Variants in CGN observed in about 807,000 individuals in gnomAD.
CGN encodes cingulin.
CGN carries 121 observed loss-of-function variants against 157.1 expected under a neutral mutation model. That is an observed-to-expected ratio of 0.77 (90% CI 0.66 to 0.90). The LOEUF is 0.90. Among genes scored for constraint, CGN ranks in the 40% least tolerant of loss-of-function variants. CGN has a pLI of 0.00. For missense variants in CGN, 1,424 were observed against 1,520.9 expected (o/e 0.94, Z 1.06); for synonymous variants, 535 against 607.5 (o/e 0.88, Z 1.76).
rs748687365 is a variant in CGN, at chr1:151,530,637, G to C, written c.2462G>C (p.Arg821Pro). Residue 821 changes from arginine (R) to proline (P), a missense_variant, in exon 13 of 21, where the codon CGG becomes CCG. Transcript: ENST00000271636. Reference sequence around the variant, plus strand: ...GGGCAGGAGCAGCAGACACTGAACCGGGCCCTGGAGGAGGAAGGGAAGCAG... The same window carrying C: ...GGGCAGGAGCAGCAGACACTGAACCCGGCCCTGGAGGAGGAAGGGAAGCAG... The part of the protein sequence containing the change: ...RLGQEQQTLN[R>P]ALEEEGKQRE... 1 of 1,599,696 alleles carries C rather than the reference G, an allele frequency of 6.3e-7. No homozygotes were observed.
intron 13 of CGN, 97 bp downstream of exon 13, chr1:151,530,843 A>G: frequency 7.6e-7 from 1 of 1,324,066 alleles, no homozygotes; most frequent in East Asian, 2.5e-5. Context: ...GGTTAGTCAG[A>G]ATGTGTGATG....
rs556896039 is a variant in CGN at position 151,516,862 on chromosome 1, C to A, written c.-14-1644C>A. Among the ~76,000 whole-genome samples, 9 of 150,918 alleles carry A rather than the reference C, an allele frequency of 6.0e-5. No individual in the cohort carries two copies. The South Asian group carries it at 1.7e-3, about 29-fold the overall frequency. On this transcript the variant is annotated intron_variant, in intron 1 of 20. Coordinates refer to ENST00000271636, the MANE Select transcript of CGN (RefSeq NM_020770.3). ...CGGCCGAGTGGCACAGTTTTTAAAC[C>A]ACATTTAAATATTTTTGGCTGGGTG... is the stretch of plus-strand genomic sequence containing the variant.
intron 10 of CGN, 108 bp downstream of exon 10, chr1:151,527,215 T>A (rs1664703263): frequency 1.6e-6 from 2 of 1,231,838 alleles, no homozygotes; most frequent in Non-Finnish European, 2.4e-6. Flanking sequence ...GTGCTTGGTT[T>A]CCAGGCCTCA....
In CGN at chr1:151,520,170, A is replaced by C; in HGVS notation, c.878A>C (p.Lys293Thr). 1 of 1,606,518 alleles carries C rather than the reference A, an allele frequency of 6.2e-7. No homozygotes were observed. The highest frequency in any genetic ancestry group is 8.5e-7 in the Non-Finnish European group (1 of 1,177,418). The stretch of plus-strand genomic sequence containing the variant: ...CTTTTTCTTTTTTTTTAACAGTTCA[A>C]ATCAACTCCAGACCTCCTTCGAGAC... The part of the protein sequence containing the change: ...SAQDPTMLQF[K>T]STPDLLRDQQ... Residue 293 changes from lysine to threonine, a missense_variant, in exon 3 of 21, where the codon AAA becomes ACA. This residue lies in a region of CGN where 1,187 missense variants were observed against 1,217.6 expected (regional missense o/e 0.97). Coordinates refer to ENST00000271636, the MANE Select transcript of CGN (RefSeq NM_020770.3).
At chr1:151,531,506 G>A (rs1248578867) in intron 13 of CGN, among the ~76,000 whole-genome samples, 3 of 152,134 alleles carry the variant, frequency 2.0e-5, no homozygotes, top group Non-Finnish European at 4.4e-5. Context: ...CTAATTAGTG[G>A]TAGAGCCAGG....
Position 151,517,853 on chromosome 1 carries a change from C to CTTT in CGN, c.-14-640_-14-638dup, listed in dbSNP as rs61184418. ...TGTATGTATGAAGATCAAGTAAAATCTTTTTTTTTTTTTTTGAGACAGGGT... is the reference window on the plus strand; with the variant it reads ...TGTATGTATGAAGATCAAGTAAAATCTTTTTTTTTTTTTTTTTTGAGACAGGGT... On this transcript the variant is annotated intron_variant, in intron 1 of 20. Transcript: ENST00000271636. Among the ~76,000 whole-genome samples, 1,272 of 139,896 alleles carry CTTT rather than the reference C, an allele frequency of 9.1e-3. 18 individuals carry two copies. The highest frequency in any genetic ancestry group is 0.013 in the Non-Finnish European group (847 of 64,274). The allele number at this position is 139,896 out of a possible 152,430, so 91.8% of individuals were successfully genotyped here.
intron 8 of CGN, 150 bp downstream of exon 8, chr1:151,525,036 G>C: frequency 1.4e-6 from 1 of 707,260 alleles, no homozygotes; most frequent in Non-Finnish European, 2.4e-6. Flanking sequence ...GAAAACCTTG[G>C]GCAGGAAAAC....
Position 151,537,324 on chromosome 1 carries a change from A to T in CGN, c.3590A>T (p.Asn1197Ile), listed in dbSNP as rs767151778. The T allele has an allele frequency of 3.1e-6, 5 of 1,613,658 alleles. No individual in the cohort carries two copies. The East Asian group carries it at 1.1e-4, about 36-fold the overall frequency. The change falls in exon 21 of 21, where the codon AAC (asparagine) becomes ATC (isoleucine). Residue 1197 changes from asparagine (N) to isoleucine (I), a missense_variant. Coordinates refer to ENST00000271636, the MANE Select transcript of CGN (RefSeq NM_020770.3). ...ATTGCATCACTGCTTACGGAGAGCA[A>T]CCTACAGACCAGCTCCTGTTAGCTC... is the stretch of plus-strand genomic sequence containing the variant. ...SSIASLLTES[N>I]LQTSSC
chr1:151,536,918 C>T, intron 20 of CGN, 25 bp downstream of exon 20: 3 of 1,610,258 alleles, frequency 1.9e-6, no homozygotes, highest in African/African-American at 1.3e-5. Flanking sequence ...TTTGCCCTTG[C>T]TCCATAGGGA....
At position 151,524,764 on chromosome 1, in the gene CGN, A is replaced by C. The variant is rs370730390; in HGVS notation, c.1492A>C (p.Thr498Pro). Reference sequence around the variant, plus strand: ...GCTGAGGCTGCGGGAGCGGGAGTTGACAGCCCTGAAGGGGGCCCTGAAAGA... The same window carrying C: ...GCTGAGGCTGCGGGAGCGGGAGTTGCCAGCCCTGAAGGGGGCCCTGAAAGA... ...EQLRLREREL[T>P]ALKGALKEEV... The change falls in exon 8 of 21, where the codon ACA becomes CCA. Residue 498 changes from threonine to proline, a missense_variant. Physicochemically the swap from Thr to Pro is conservative, Grantham distance 38 (BLOSUM62 -1). Coordinates refer to ENST00000271636, the MANE Select transcript of CGN (RefSeq NM_020770.3). The surrounding 1 kb of genome is among the most constrained non-coding windows in gnomAD (Gnocchi z 4.4). 6.2e-7 allele frequency: 1 copy of C among 1,612,332 alleles called. No individual in the cohort carries two copies. The highest frequency in any genetic ancestry group is 8.5e-7 in the Non-Finnish European group (1 of 1,179,764).
In CGN at chr1:151,530,107, C is replaced by G. The variant is rs1205017142; in HGVS notation, c.2305C>G (p.Arg769Gly). The G allele has an allele frequency of 6.2e-7, 1 of 1,610,780 alleles. No individual in the cohort carries two copies. The highest frequency in any genetic ancestry group is 8.5e-7 in the Non-Finnish European group (1 of 1,177,580). Residue 769 changes from arginine (R) to glycine (G), a missense_variant, in exon 12 of 21, where the codon CGG becomes GGG. By Grantham distance (125) the Arg-to-Gly change is moderately radical. Around this residue, in one of 3 missense-constraint regions of CGN, gnomAD observed 1,187 missense variants for 1,217.6 expected, o/e 0.97. Coordinates refer to ENST00000271636, the MANE Select transcript of CGN (RefSeq NM_020770.3). ...VEARLRDKLQRLEAEKQQLEE... is the reference protein window; with the variant it reads ...VEARLRDKLQGLEAEKQQLEE... ...GGCACGACTACGGGACAAGCTGCAG[C>G]GGCTGGAGGTCAGTGGTTCTGCCCT...
chr1:151,533,772 C>T (rs937059273), intron 14 of CGN, among the ~76,000 whole-genome samples: 11 of 151,820 alleles, frequency 7.2e-5, no homozygotes, highest in African/African-American at 1.5e-4. Context: ...CCAGCCTGGG[C>T]GACAGAGCGA....
chr1:151,525,573 A>G, intron 8 of CGN, 69 bp from the exon 9 acceptor site: 5 of 1,356,536 alleles, frequency 3.7e-6, no homozygotes, highest in Non-Finnish European at 4.9e-6. Context: ...CCTTGTACAC[A>G]CTCACACTTT....
intron 6 of CGN, 68 bp downstream of exon 6, chr1:151,523,629 C>T: frequency 6.9e-7 from 1 of 1,452,418 alleles, no homozygotes; most frequent in East Asian, 2.4e-5. Context: ...GCCACTCCCT[C>T]TTTGCCCCTA....
chr1:151,524,611 GAATTGAT>G lies in CGN; in HGVS notation c.1402-60_1402-54del. On this transcript the variant is annotated intron_variant, in intron 7 of 20. Coordinates refer to ENST00000271636, the MANE Select transcript of CGN (RefSeq NM_020770.3). This position sits in a 1 kb window ranked among gnomAD's most constrained non-coding sequence, Gnocchi z 4.4. Reference sequence around the variant, plus strand: ...TACGATAAATATTTTTTGACTCAGTGAATTGATAAACAGATGGATTCTAATATGGTCA... The same window carrying G: ...TACGATAAATATTTTTTGACTCAGTGAAACAGATGGATTCTAATATGGTCA... 7.0e-7 allele frequency: 1 copy of G among 1,422,524 alleles called. No homozygotes were observed. Among genetic ancestry groups the G allele is most frequent in the South Asian group, 1.3e-5 (1 of 78,966 alleles). 88.1% of individuals were successfully genotyped at this position (1,422,524 alleles called of 1,614,324 possible). A position where few individuals can be genotyped will look rare whatever the true frequency, so the allele number is the denominator to read the frequency against.
chr1:151,529,748 C>T (rs909162966), intron 11 of CGN, among the ~76,000 whole-genome samples, 161 bp from the exon 12 acceptor site: 5 of 152,156 alleles, frequency 3.3e-5, no homozygotes, highest in African/African-American at 1.2e-4. Context: ...GGGTGGGATT[C>T]TCAGAGAAGC....
chr1:151,515,901 G>T (rs1475062495), intron 1 of CGN, among the ~76,000 whole-genome samples: 2 of 152,198 alleles, frequency 1.3e-5, no homozygotes, highest in African/African-American at 4.8e-5. Context: ...TACTTTACCT[G>T]TCTGCCTTCA....
chr1:151,535,737 G>A (rs1664953528), intron 17 of CGN, 43 bp from the exon 18 acceptor site: 1 of 1,607,120 alleles, frequency 6.2e-7, no homozygotes, highest in African/African-American at 1.3e-5. Flanking sequence ...TGAGTAAAAT[G>A]GCCAGTGGAG....
In CGN at chr1:151,511,436, GC is replaced by G. The variant is rs1375311923; in HGVS notation, c.-91del. 1 of 27,886 alleles carries G rather than the reference GC, an allele frequency of 3.6e-5. No individual in the cohort carries two copies. The highest frequency in any genetic ancestry group is 1.9e-3 in the East Asian group (1 of 524). 1.7% of individuals were successfully genotyped at this position (27,886 alleles called of 1,614,324 possible). A position where few individuals can be genotyped will look rare whatever the true frequency, so the allele number is the denominator to read the frequency against. On this transcript the variant is annotated 5_prime_UTR_variant, in exon 1 of 21. Coordinates refer to ENST00000271636, the MANE Select transcript of CGN (RefSeq NM_020770.3). This position sits in a 1 kb window ranked among gnomAD's most constrained non-coding sequence, Gnocchi z 4.8. ...GGGCCGGAGCTGCGCGTGCTGCTTT[GC>G]CCGAGCCCGAGCCCGAGCCCGAGCC...
Sources: allele counts gnomAD v4.1 joint callset (sites outside exome capture counted in the v4.1 genomes callset), GRCh38; gene constraint gnomAD v4.1.1; regional missense constraint gnomAD v4.1.1; non-coding constraint Gnocchi (gnomAD v3.1); transcripts MANE v1.5; gene names NCBI Gene and HGNC (gene_info 2026-07-23, HGNC 2026-07-21).